The following IRAK3 variants were observed in gnomAD, a reference collection of about 807,000 sequenced individuals.
The protein encoded by IRAK3 is interleukin 1 receptor associated kinase 3, also known as interleukin-1 receptor-associated kinase 3.
Under a neutral mutation model 56.6 loss-of-function variants are expected in IRAK3, and 57 were observed. That is an observed-to-expected ratio of 1.01 (90% CI 0.81 to 1.26). The LOEUF is 1.26. Among genes scored for constraint, IRAK3 ranks in the 50% most tolerant of loss-of-function variants. IRAK3 has a pLI of 0.00. For missense variants in IRAK3, 703 were observed against 719.0 expected (o/e 0.98, Z 0.25); for synonymous variants, 258 against 255.7 (o/e 1.01, Z -0.09).
intron 1 of IRAK3, among the ~76,000 whole-genome samples, chr12:66,196,096 T>C (rs1048886919): frequency 3.3e-5 from 5 of 152,004 alleles, no homozygotes; most frequent in African/African-American, 1.2e-4. Context: ...AAATAAACTA[T>C]ATATATATGT....
At chr12:66,197,833 A>G (rs1205925764) in intron 1 of IRAK3, 90 of 985,312 alleles carry the variant, frequency 9.1e-5, no homozygotes, top group Middle Eastern at 1.0e-3. Context: ...ATCTGATATT[A>G]GCAGTTTCTC....
chr12:66,225,131 T>C (rs1487699369), intron 6 of IRAK3, among the ~76,000 whole-genome samples: 1 of 152,110 alleles, frequency 6.6e-6, no homozygotes, highest in African/African-American at 2.4e-5. Context: ...CACCAGGCCG[T>C]GGCTCTGTCT....
chr12:66,189,240 T>C lies in IRAK3; in HGVS notation c.-60T>C. 1 of 1,527,524 alleles carries C rather than the reference T, an allele frequency of 6.5e-7. No individual in the cohort carries two copies. Among genetic ancestry groups the C allele is most frequent in the Non-Finnish European group, 8.8e-7 (1 of 1,141,586 alleles). The allele number at this position is 1,527,524 out of a possible 1,614,324, so 94.6% of individuals were successfully genotyped here. ...GGATTTCCGCGGTTGTGTAACGGCC[T>C]GTCGCAGGCGTGCAGGGACCTGGAC... On this transcript the variant is annotated 5_prime_UTR_variant, in exon 1 of 12. Transcript: ENST00000261233.
chr12:66,199,718 A>G (rs2052488825), intron 1 of IRAK3, among the ~76,000 whole-genome samples: 1 of 152,228 alleles, frequency 6.6e-6, no homozygotes. Flanking sequence ...TGTTTGAACT[A>G]CACTGATTTG....
At chr12:66,244,776 C>T in intron 9 of IRAK3, 92 bp downstream of exon 9, 1 of 1,201,450 alleles carries the variant, frequency 8.3e-7, no homozygotes, top group East Asian at 2.5e-5. Context: ...ACTTTTGACT[C>T]ATTGATTTCC....
chr12:66,202,416 C>T (rs2052516991), intron 1 of IRAK3, among the ~76,000 whole-genome samples: 1 of 151,964 alleles, frequency 6.6e-6, no homozygotes, highest in Non-Finnish European at 1.5e-5. Context: ...ACAAAATGAG[C>T]CTGGAGCACC....
At chr12:66,211,323 T>C in intron 4 of IRAK3, 123 bp from the exon 5 acceptor site, 1 of 692,932 alleles carries the variant, frequency 1.4e-6, no homozygotes, top group Non-Finnish European at 2.5e-6. Flanking sequence ...TCGGCTTTGG[T>C]TCCTGGGCCT....
chr12:66,244,921 A>G (rs762237245), intron 9 of IRAK3, 27 bp from the exon 10 acceptor site: 1 of 1,535,112 alleles, frequency 6.5e-7, no homozygotes, highest in Non-Finnish European at 9.0e-7. Flanking sequence ...TAAGATATAT[A>G]GCTGACTTTC....
At chr12:66,198,866 C>G (rs1481762031) in intron 1 of IRAK3, among the ~76,000 whole-genome samples, 2 of 151,684 alleles carry the variant, frequency 1.3e-5, no homozygotes, top group Non-Finnish European at 2.9e-5. Flanking sequence ...AGCTATCCTC[C>G]CACCTCAGCT....
In IRAK3 at chr12:66,220,810, G is replaced by A. The variant is rs370446093; in HGVS notation, c.653+3575G>A. On this transcript the variant is annotated intron_variant, in intron 6 of 11. Coordinates refer to ENST00000261233, the MANE Select transcript of IRAK3 (RefSeq NM_007199.3). ...GCTGGGATTACAGGCGTGAGCCACC[G>A]CGCCCGGCCTGTTCTTCTTTCTTAA... 1.7e-3 allele frequency among the ~76,000 whole-genome samples: 257 copies of A among 152,136 alleles called. 4 individuals carry two copies. The highest frequency in any genetic ancestry group is 5.4e-3 in the African/African-American group (224 of 41,502).
chr12:66,194,868 CTCT>C (rs1293562081), intron 1 of IRAK3, among the ~76,000 whole-genome samples: 1 of 151,212 alleles, frequency 6.6e-6, no homozygotes, highest in Non-Finnish European at 1.5e-5. Flanking sequence ...TTGATTTCTT[CTCT>C]TCTTATAGAT....
rs778460591 is a variant in IRAK3, at chr12:66,189,313, G to C, written c.14G>C (p.Cys5Ser). 2 of 1,534,726 alleles carry C rather than the reference G, an allele frequency of 1.3e-6. No individual in the cohort carries two copies. The highest frequency in any genetic ancestry group is 2.4e-5 in the East Asian group (1 of 41,144). MAGN[C>S]GARGALSAHT... ...GGCAGCCGAGCCATGGCGGGGAACT[G>C]TGGGGCCCGCGGCGCGCTGTCGGCG... The change falls in exon 1 of 12, where the codon TGT becomes TCT. Residue 5 changes from cysteine to serine, a missense_variant. Cys to Ser is a moderately radical substitution (Grantham distance 112, BLOSUM62 -1). Transcript: ENST00000261233.
intron 3 of IRAK3, 38 bp downstream of exon 3, chr12:66,209,558 T>C (rs186800912): frequency 2.5e-6 from 3 of 1,218,802 alleles, no homozygotes; most frequent in Admixed American, 3.4e-5. Context: ...CCTTGAACTT[T>C]GTTGCATGTA....
At chr12:66,245,530 T>A (rs1439370024) in intron 11 of IRAK3, among the ~76,000 whole-genome samples, 2 of 72,344 alleles carry the variant, frequency 2.8e-5, no homozygotes, top group East Asian at 1.8e-3. Flanking sequence ...TTATTCAATC[T>A]TTTTTTTTTT....
Position 66,203,892 on chromosome 12 carries a change from T to A in IRAK3, c.315T>A (p.Tyr105Ter). Residue 105 changes from tyrosine to a stop codon, truncating the protein, a stop_gained and splice_region_variant, in exon 2 of 12, where the codon TAT becomes TAA. Transcript: ENST00000261233. LOFTEE classifies it high-confidence loss of function. ...GAGCTATTCATTTAATTACAAACTA[T>A]GGTAAATGCTGATTCTTATAATGTG... ...HRRAIHLITN[Y>*]GAVLSPSEKS... 6.2e-7 allele frequency: 1 copy of A among 1,611,058 alleles called. No individual in the cohort carries two copies. The highest frequency in any genetic ancestry group is 2.2e-5 in the East Asian group (1 of 44,866).
At chr12:66,212,893 A>G (rs979777564) in intron 5 of IRAK3, among the ~76,000 whole-genome samples, 2 of 151,960 alleles carry the variant, frequency 1.3e-5, no homozygotes, top group African/African-American at 4.8e-5. Context: ...GGGTTGGGGG[A>G]AATGGGAGGA....
chr12:66,206,067 T>C (rs1312143474), intron 2 of IRAK3, among the ~76,000 whole-genome samples: 2 of 151,988 alleles, frequency 1.3e-5, no homozygotes, highest in Non-Finnish European at 2.9e-5. Context: ...CGCAGCTTTC[T>C]ACTGGCTTCT....
At chr12:66,227,161 C>G (rs1443646536) in intron 7 of IRAK3, among the ~76,000 whole-genome samples, 1 of 152,146 alleles carries the variant, frequency 6.6e-6, no homozygotes, top group African/African-American at 2.4e-5. Flanking sequence ...GCATCAACTA[C>G]TCTTATTCCT....
At chr12:66,246,678 A>C (rs11837733) in intron 11 of IRAK3, among the ~76,000 whole-genome samples, 2 of 152,232 alleles carry the variant, frequency 1.3e-5, no homozygotes, top group Non-Finnish European at 2.9e-5. Context: ...AGGCTTTATC[A>C]TCTATAAAAT....
Sources: gnomAD v4.1 joint callset for allele counts (sites outside exome capture counted in the v4.1 genomes callset) on GRCh38, gnomAD v4.1.1 for gene constraint, MANE v1.5 for transcripts, NCBI Gene and HGNC (gene_info 2026-07-23, HGNC 2026-07-21) for gene names.